The following SHISA9 variants were observed in gnomAD, a reference collection of about 807,000 sequenced individuals.
The protein encoded by SHISA9 is shisa family member 9.
A neutral mutation model predicts 38.0 loss-of-function variants in SHISA9; 13 were observed. That is an observed-to-expected ratio of 0.34 (90% CI 0.22 to 0.54). SHISA9 has a LOEUF of 0.54. Among genes scored for constraint, SHISA9 ranks in the 20% least tolerant of loss-of-function variants. SHISA9 has a pLI of 0.91. For synonymous variants in SHISA9, 275 were observed against 242.0 expected (o/e 1.14, Z -1.27); for missense variants, 538 against 575.8 (o/e 0.93, Z 0.67).
At chr16:12,978,856 C>T (rs549535655) in intron 2 of SHISA9, among the ~76,000 whole-genome samples, 1 of 152,100 alleles carries the variant, frequency 6.6e-6, no homozygotes, top group Non-Finnish European at 1.5e-5. Context: ...AAAATACACC[C>T]AAGTAGTAAT....
chr16:13,561,332 A>G, the SHISA9 span, among the ~76,000 whole-genome samples: 1 of 152,072 alleles, frequency 6.6e-6, no homozygotes, highest in African/African-American at 2.4e-5. Context: ...TGCATTTCTT[A>G]CATAACTTGC....
chr16:13,008,604 T>TTC (rs902569396), intron 2 of SHISA9, among the ~76,000 whole-genome samples: 2 of 148,456 alleles, frequency 1.3e-5, no homozygotes, highest in African/African-American at 2.5e-5. Flanking sequence ...TCCCCCTTTT[T>TTC]TCTCTCTCTC....
chr16:13,066,035 G>T (rs1338427544), intron 2 of SHISA9, among the ~76,000 whole-genome samples: 1 of 152,210 alleles, frequency 6.6e-6, no homozygotes, highest in Non-Finnish European at 1.5e-5. Flanking sequence ...GGTCTTTCCA[G>T]ACCTCTCTAC....
chr16:13,532,291 T>C, the SHISA9 span, among the ~76,000 whole-genome samples: 1 of 152,180 alleles, frequency 6.6e-6, no homozygotes, highest in Non-Finnish European at 1.5e-5. Flanking sequence ...CAGAGGCTTC[T>C]GGGTAACCTC....
At chr16:13,505,926 C>A in the SHISA9 span, among the ~76,000 whole-genome samples, 34 of 152,228 alleles carry the variant, frequency 2.2e-4, no homozygotes, top group African/African-American at 8.2e-4. Context: ...CAATATTCAT[C>A]AAAAATCATT....
intron 2 of SHISA9, among the ~76,000 whole-genome samples, chr16:12,972,129 T>G (rs1567168734): frequency 6.6e-6 from 1 of 150,756 alleles, no homozygotes; most frequent in African/African-American, 2.4e-5. Context: ...TAAATAATGA[T>G]AAATAAAGGT....
At chr16:13,387,600 C>T in the SHISA9 span, among the ~76,000 whole-genome samples, 1 of 151,974 alleles carries the variant, frequency 6.6e-6, no homozygotes, top group Non-Finnish European at 1.5e-5. Flanking sequence ...AACGATTCTC[C>T]TGTCTCAGAC....
the SHISA9 span, among the ~76,000 whole-genome samples, chr16:13,290,940 T>C: frequency 6.6e-6 from 1 of 152,134 alleles, no homozygotes. Context: ...GTGGTCTCTT[T>C]CCCATTGTAT....
At chr16:13,297,799 C>G in the SHISA9 span, among the ~76,000 whole-genome samples, 8 of 152,068 alleles carry the variant, frequency 5.3e-5, no homozygotes, top group Non-Finnish European at 1.2e-4. Context: ...TCTTGTTGCC[C>G]AGGCTGGAGT....
At chr16:13,424,142 G>C in the SHISA9 span, among the ~76,000 whole-genome samples, 1 of 152,234 alleles carries the variant, frequency 6.6e-6, no homozygotes, top group Non-Finnish European at 1.5e-5. Flanking sequence ...GGAAGGGCAG[G>C]AATTGTGGAG....
intron 2 of SHISA9, among the ~76,000 whole-genome samples, chr16:13,067,224 G>A (rs2073445989): frequency 1.3e-5 from 2 of 152,222 alleles, no homozygotes; most frequent in Non-Finnish European, 2.9e-5. Flanking sequence ...CCTGATGCAG[G>A]AGAAATGGAC....
chr16:13,386,733 AAT>A, the SHISA9 span, among the ~76,000 whole-genome samples: 2 of 152,202 alleles, frequency 1.3e-5, no homozygotes, highest in African/African-American at 2.4e-5. Flanking sequence ...TTTCTGCAGC[AAT>A]ATGTTTTAGA....
At chr16:13,377,416 C>T in the SHISA9 span, among the ~76,000 whole-genome samples, 1 of 152,160 alleles carries the variant, frequency 6.6e-6, no homozygotes, top group African/African-American at 2.4e-5. Context: ...GTATTTGTTC[C>T]TCATGACTCA....
chr16:13,067,503 T>A (rs1220327423), intron 2 of SHISA9, among the ~76,000 whole-genome samples: 3 of 152,230 alleles, frequency 2.0e-5, no homozygotes, highest in Non-Finnish European at 4.4e-5. Context: ...TTCTATCTGT[T>A]CTCTTGGCCA....
In SHISA9 at chr16:13,049,153, AGTAT is replaced by A. The variant is rs1469723281; in HGVS notation, c.691+132341_691+132344del. Among the ~76,000 whole-genome samples the A allele has an allele frequency of 6.4e-4, 88 of 138,528 alleles. 1 individual carries two copies. Among genetic ancestry groups the A allele is most frequent in the African/African-American group, 1.7e-3 (65 of 37,934 alleles). The allele number at this position is 138,528 out of a possible 152,430, so 90.9% of individuals were successfully genotyped here. A position where few individuals can be genotyped will look rare whatever the true frequency, so the allele number is the denominator to read the frequency against. ...GCTGCCATTCTAAGCTTTGGTTAGG[AGTAT>A]GTGTGTGTGTGTGTGTGTGTGTGTG... is the stretch of plus-strand genomic sequence containing the variant. On this transcript the variant is annotated intron_variant, in intron 2 of 4. Coordinates refer to ENST00000558583, the MANE Select transcript of SHISA9 (RefSeq NM_001145204.3).
At chr16:13,476,357 G>A in the SHISA9 span, among the ~76,000 whole-genome samples, 1 of 152,084 alleles carries the variant, frequency 6.6e-6, no homozygotes, top group Non-Finnish European at 1.5e-5. Flanking sequence ...CCTAATTTTA[G>A]TCTGTTAGGG....
At chr16:13,166,396 G>C (rs971178171) in intron 2 of SHISA9, among the ~76,000 whole-genome samples, 9 of 152,112 alleles carry the variant, frequency 5.9e-5, no homozygotes, top group African/African-American at 2.2e-4. Context: ...AACTGTCTTA[G>C]AACATCCTCT....
downstream of SHISA9, among the ~76,000 whole-genome samples, chr16:13,242,948 A>G (rs562556389): frequency 6.6e-6 from 1 of 152,254 alleles, no homozygotes; most frequent in South Asian, 2.1e-4. Flanking sequence ...ATTTAGAAAT[A>G]TTATTTTGCC....
At chr16:13,064,497 T>C (rs2073411368) in intron 2 of SHISA9, among the ~76,000 whole-genome samples, 2 of 152,100 alleles carry the variant, frequency 1.3e-5, no homozygotes, top group African/African-American at 4.8e-5. Flanking sequence ...TACAAGAATT[T>C]TAAACACACC....
Sources: gnomAD v4.1 joint callset for allele counts (sites outside exome capture counted in the v4.1 genomes callset) on GRCh38, gnomAD v4.1.1 for gene constraint, MANE v1.5 for transcripts, NCBI Gene and HGNC (gene_info 2026-07-23, HGNC 2026-07-21) for gene names.